The following ANO3 variants were observed in gnomAD, a reference collection of about 807,000 sequenced individuals.
The protein encoded by ANO3 is anoctamin 3.
In ANO3, 99 loss-of-function variants were observed where a neutral mutation model predicts 144.8. The observed-to-expected ratio is 0.68, with a 90% confidence interval of 0.58 to 0.81. ANO3 has a LOEUF of 0.81. ANO3 is among the 30% of genes least tolerant of loss of function. The pLI is 0.00. For synonymous variants in ANO3, 414 were observed against 392.6 expected (o/e 1.05, Z -0.64); for missense variants, 905 against 1,202.2 (o/e 0.75, Z 3.66).
chr11:26,245,018 T>TGTGTGCGCGC (rs151031559), intron 1 of ANO3, among the ~76,000 whole-genome samples: 7,559 of 145,378 alleles, frequency 0.052, 301 homozygotes, highest in Non-Finnish European at 0.069. Flanking sequence ...TGTGTGTGTG[T>TGTGTGCGCGC]GTGCATGCAT....
intron 4 of ANO3, among the ~76,000 whole-genome samples, chr11:26,479,800 T>C (rs1405906439): frequency 6.6e-6 from 1 of 152,146 alleles, no homozygotes; most frequent in African/African-American, 2.4e-5. Flanking sequence ...AGGGAGGGTA[T>C]AAGAGAAAGA....
intron 1 of ANO3, among the ~76,000 whole-genome samples, chr11:26,289,616 T>G (rs529367488): frequency 1.1e-3 from 102 of 95,414 alleles, no homozygotes; most frequent in East Asian, 4.4e-3. Context: ...CACACATATA[T>G]TCTATATGTG....
chr11:26,560,447 C>T (rs1270390753), intron 14 of ANO3: 2 of 152,186 alleles, frequency 1.3e-5, no homozygotes, highest in African/African-American at 4.8e-5. Context: ...CTGCCATGGC[C>T]CCGTTGAATG....
chr11:26,412,494 G>A (rs1275097494), intron 1 of ANO3, among the ~76,000 whole-genome samples: 1 of 151,970 alleles, frequency 6.6e-6, no homozygotes, highest in Non-Finnish European at 1.5e-5. Context: ...CTGTAGTAAT[G>A]TAACAATATT....
At chr11:26,473,916 ACT>A in intron 4 of ANO3, 7 of 984,674 alleles carry the variant, frequency 7.1e-6, no homozygotes, top group Non-Finnish European at 8.4e-6. Flanking sequence ...GATTATTCAA[ACT>A]CTGGCATTTA....
chr11:26,257,510 A>G (rs1363625801), intron 1 of ANO3, among the ~76,000 whole-genome samples: 11 of 152,170 alleles, frequency 7.2e-5, no homozygotes, highest in Non-Finnish European at 7.4e-5. Context: ...GTTTCTACTC[A>G]GTAAAAAAAT....
intron 5 of ANO3, among the ~76,000 whole-genome samples, chr11:26,513,364 T>C (rs1861739193): frequency 6.6e-6 from 1 of 152,256 alleles, no homozygotes; most frequent in African/African-American, 2.4e-5. Context: ...TGCTTGAAAG[T>C]ACTGCAGGAG....
chr11:26,276,196 G>C (rs978214321), intron 1 of ANO3, among the ~76,000 whole-genome samples: 1 of 152,072 alleles, frequency 6.6e-6, no homozygotes, highest in Non-Finnish European at 1.5e-5. Flanking sequence ...TATCCCAAAA[G>C]ATACCATACT....
chr11:26,237,419 ATTATT>A (rs1852557652), intron 1 of ANO3, among the ~76,000 whole-genome samples: 1 of 152,050 alleles, frequency 6.6e-6, no homozygotes, highest in South Asian at 2.1e-4. Context: ...TATTTATTAT[ATTATT>A]TTAATTGCAC....
intron 17 of ANO3, among the ~76,000 whole-genome samples, chr11:26,608,521 G>A (rs926510261): frequency 2.0e-5 from 3 of 152,142 alleles, no homozygotes; most frequent in African/African-American, 7.2e-5. Flanking sequence ...CGGCTGCCTG[G>A]ATTTCTCAGA....
intron 9 of ANO3, among the ~76,000 whole-genome samples, chr11:26,535,432 A>AT (rs1241098061): frequency 6.6e-6 from 1 of 152,126 alleles, no homozygotes; most frequent in Non-Finnish European, 1.5e-5. Context: ...GAAATGCTTG[A>AT]AGGGATCAAA....
At chr11:26,371,566 G>A (rs572182736) in intron 1 of ANO3, among the ~76,000 whole-genome samples, 12 of 152,316 alleles carry the variant, frequency 7.9e-5, no homozygotes, top group East Asian at 1.9e-4. Context: ...TGGAAGAGCC[G>A]CAGGCACTCA....
intron 1 of ANO3, among the ~76,000 whole-genome samples, chr11:26,269,869 T>A (rs1009533626): frequency 6.6e-6 from 1 of 152,180 alleles, no homozygotes; most frequent in South Asian, 2.1e-4. Flanking sequence ...GTGACCATAT[T>A]TGAAGATAGG....
intron 1 of ANO3, among the ~76,000 whole-genome samples, chr11:26,326,890 C>T (rs992131429): frequency 6.6e-6 from 1 of 152,062 alleles, no homozygotes; most frequent in Non-Finnish European, 1.5e-5. Context: ...TTGATATTAC[C>T]AGAGTATCAG....
intron 1 of ANO3, among the ~76,000 whole-genome samples, chr11:26,400,843 AATAT>A (rs4033234): frequency 1.4e-5 from 2 of 147,926 alleles, no homozygotes; most frequent in Non-Finnish European, 3.0e-5. Flanking sequence ...TGCCTAGATG[AATAT>A]ATATATATAT....
At chr11:26,590,622 A>G (rs1417074079) in intron 14 of ANO3, among the ~76,000 whole-genome samples, 1 of 152,216 alleles carries the variant, frequency 6.6e-6, no homozygotes, top group African/African-American at 2.4e-5. Flanking sequence ...GCCGTGGGTC[A>G]TGGAAGAGAA....
chr11:26,270,211 G>C (rs762815656), intron 1 of ANO3, among the ~76,000 whole-genome samples: 1 of 152,090 alleles, frequency 6.6e-6, no homozygotes, highest in African/African-American at 2.4e-5. Flanking sequence ...TCTCCACTAC[G>C]TACACTGGAA....
At chr11:26,213,867 C>T (rs547131890) in intron 1 of ANO3, among the ~76,000 whole-genome samples, 14 of 151,814 alleles carry the variant, frequency 9.2e-5, no homozygotes, top group African/African-American at 3.4e-4. Context: ...TATTTATATA[C>T]CTGAAGTGTA....
At chr11:26,641,706 ATT>A (rs71449128) in intron 21 of ANO3, among the ~76,000 whole-genome samples, 188 bp from the exon 22 acceptor site, 10 of 151,132 alleles carry the variant, frequency 6.6e-5, no homozygotes, top group South Asian at 6.3e-4. Context: ...TTTAAAAAAA[ATT>A]TTTTAAGATA....
Sources: gnomAD v4.1 joint callset for allele counts (sites outside exome capture counted in the v4.1 genomes callset) on GRCh38, gnomAD v4.1.1 for gene constraint, MANE v1.5 for transcripts, NCBI Gene and HGNC (gene_info 2026-07-23, HGNC 2026-07-21) for gene names.